Variants in GMNN observed in about 807,000 individuals in gnomAD.
GMNN encodes the protein geminin DNA replication inhibitor.
A neutral mutation model predicts 20.9 loss-of-function variants in GMNN; 14 were observed. That is an observed-to-expected ratio of 0.67 (90% confidence interval 0.44 to 1.05). The LOEUF is 1.05. Ranked by LOEUF, GMNN falls within the 50% of genes least tolerant of loss-of-function variation. The pLI is 0.00. For missense variants in GMNN, 227 were observed against 243.8 expected, an observed-to-expected ratio of 0.93 and a Z score of 0.46; for synonymous variants, 81 against 85.8, an observed-to-expected ratio of 0.94 and a Z score of 0.31.
In GMNN at chr6:24,775,258, G is replaced by C. The variant is rs576489658; in HGVS notation, c.-26+14G>C. ...GCCGCGGCCTGGGTAAGGGCGAAGG[G>C]GTTGTTGAACGGTCGCGGGAGCCGG... On this transcript the variant is annotated intron_variant, in intron 1 of 6. Coordinates refer to ENST00000230056, the MANE Select transcript of GMNN (RefSeq NM_015895.5). 1.3e-5 allele frequency: 2 copies of C among 152,390 alleles called. No homozygotes were observed. The highest frequency in any genetic ancestry group is 4.8e-5 in the African/African-American group (2 of 41,462). The allele number at this position is 152,390 out of a possible 1,614,324, so 9.4% of individuals were successfully genotyped here.
At chr6:24,776,600 G>GGGTA in intron 1 of GMNN, among the ~76,000 whole-genome samples, 1 of 152,224 alleles carries the variant, frequency 6.6e-6, no homozygotes, top group Non-Finnish European at 1.5e-5. Flanking sequence ...AGGGGCCAAT[G>GGGTA]GGTAGTGGGC....
At chr6:24,776,579 G>A (rs1341596262) in intron 1 of GMNN, among the ~76,000 whole-genome samples, 2 of 152,236 alleles carry the variant, frequency 1.3e-5, no homozygotes, top group Non-Finnish European at 1.5e-5. Flanking sequence ...AGGCACAGGC[G>A]CAGACACGGC....
At position 24,775,028 on chromosome 6, in the gene GMNN, T is replaced by A. The variant is rs1303239901; in HGVS notation, c.-242T>A. On this transcript the variant is annotated 5_prime_UTR_variant, in exon 1 of 7. Coordinates refer to ENST00000230056, the MANE Select transcript of GMNN (RefSeq NM_015895.5). ...CCGGGCACTCCAGCGACCGTGGGGA[T>A]CAGCGTAGGTGAGCTGTGGCCTTTT... is the stretch of plus-strand genomic sequence containing the variant. The A allele has an allele frequency of 1.3e-5, 2 of 152,422 alleles. No individual in the cohort carries two copies. Among genetic ancestry groups the A allele is most frequent in the Admixed American group, 1.3e-4 (2 of 15,290 alleles). 9.4% of individuals were successfully genotyped at this position (152,422 alleles called of 1,614,324 possible).
At chr6:24,785,051 A>T (rs1780313987) in intron 6 of GMNN, among the ~76,000 whole-genome samples, 1 of 152,110 alleles carries the variant, frequency 6.6e-6, no homozygotes, top group Non-Finnish European at 1.5e-5. Context: ...TTGTGGTTTT[A>T]TCTGACTTTA....
intron 2 of GMNN, among the ~76,000 whole-genome samples, chr6:24,778,584 G>T (rs541604187): frequency 8.6e-5 from 13 of 151,966 alleles, no homozygotes; most frequent in African/African-American, 1.2e-4. Flanking sequence ...CTTTTGATGG[G>T]TTTTTTGTTT....
rs181643512 is a variant in GMNN at position 24,781,956 on chromosome 6, C to T, written c.274+335C>T. 1.4e-3 allele frequency among the ~76,000 whole-genome samples: 215 copies of T among 152,226 alleles called. 1 individual carries two copies. The highest frequency in any genetic ancestry group is 4.6e-3 in the African/African-American group (190 of 41,536). ...ATTAGCTGAGCATGGTGGCTTGTGC[C>T]TGTATTCCCAGCTACTCAGGAGGCT... is the stretch of plus-strand genomic sequence containing the variant. On this transcript the variant is annotated intron_variant, in intron 4 of 6. Transcript: ENST00000230056.
chr6:24,782,726 A>G lies in GMNN; in HGVS notation c.274+1105A>G, dbSNP rs188818675. Among the ~76,000 whole-genome samples the G allele has an allele frequency of 2.0e-3, 308 of 152,360 alleles. 3 individuals are homozygous for G. The highest frequency in any genetic ancestry group is 7.0e-3 in the African/African-American group (291 of 41,594). ...GTTAAATATCAAGACAAATAACTATATATCATGTTGGTAATATAACCACAG... is the reference window on the plus strand; with the variant it reads ...GTTAAATATCAAGACAAATAACTATGTATCATGTTGGTAATATAACCACAG... On this transcript the variant is annotated intron_variant, in intron 4 of 6. Transcript: ENST00000230056.
chr6:24,777,083 C>T, intron 1 of GMNN, 139 bp from the exon 2 acceptor site: 1 of 409,410 alleles, frequency 2.4e-6, no homozygotes, highest in Non-Finnish European at 4.4e-6. Context: ...TCACCTTAGT[C>T]ATTGACAGGG....
rs1780094781 is a variant in GMNN, at chr6:24,777,182, A to G, written c.-25-40A>G. On this transcript the variant is annotated intron_variant, in intron 1 of 6. Transcript: ENST00000230056. ...TGTAAGTATTTTAAACCTAGACTCC[A>G]CCTTCGGGGGTGCAAACCATATTGT... 24 of 652,802 alleles carry G rather than the reference A, an allele frequency of 3.7e-5. No homozygotes were observed. In the East Asian group the frequency reaches 6.9e-4, roughly 19 times the overall value. The allele number at this position is 652,802 out of a possible 1,614,324, so 40.4% of individuals were successfully genotyped here.
chr6:24,777,291 T>C lies in GMNN; in HGVS notation c.45T>C (p.Asn15=). ...AGAAACAAGAAGAAATCAAAGAGAA[T>C]ATAAAGGTATGTGATTGAATAACTT... The part of the protein sequence containing the change: ...MKQKQEEIKE[N]IKNSSVPRRT... The change falls in exon 2 of 7, where the codon AAT becomes AAC. Residue 15 remains asparagine, a synonymous_variant. Transcript: ENST00000230056. 1.6e-6 allele frequency: 2 copies of C among 1,267,522 alleles called. No homozygotes were observed. Among genetic ancestry groups the C allele is most frequent in the South Asian group, 2.7e-5 (2 of 73,280 alleles). The allele number at this position is 1,267,522 out of a possible 1,614,324, so 78.5% of individuals were successfully genotyped here. A position where few individuals can be genotyped will look rare whatever the true frequency, so the allele number is the denominator to read the frequency against.
chr6:24,777,443 A>T (rs1477511175), intron 2 of GMNN, 146 bp downstream of exon 2: 1 of 418,020 alleles, frequency 2.4e-6, no homozygotes, highest in Non-Finnish European at 4.3e-6. Flanking sequence ...GAACATTTTT[A>T]AAAAACTAAT....
chr6:24,785,547 T>C, intron 6 of GMNN, 91 bp from the exon 7 acceptor site: 1 of 574,308 alleles, frequency 1.7e-6, no homozygotes, highest in Non-Finnish European at 3.0e-6. Flanking sequence ...CATAGCTATA[T>C]CAGTATGCTA....
Position 24,781,516 on chromosome 6 carries a change from C to T in GMNN, c.169C>T (p.His57Tyr). 2 of 1,593,698 alleles carry T rather than the reference C, an allele frequency of 1.3e-6. No individual in the cohort carries two copies. Among genetic ancestry groups the T allele is most frequent in the South Asian group, 1.1e-5 (1 of 89,562 alleles). ...GLSKRKHRND[H>Y]LTSTTSSPGV... is the part of the protein sequence containing the mutation. ...GTCCAAAAGGAAACATCGGAATGAC[C>T]ACTTAACATCTACAACTTCCAGCCC... is the stretch of plus-strand genomic sequence containing the variant. Residue 57 changes from histidine to tyrosine, a missense_variant, in exon 4 of 7, where the codon CAC becomes TAC. By Grantham distance (83) the His-to-Tyr change is moderately conservative (BLOSUM62 2). Coordinates refer to ENST00000230056, the MANE Select transcript of GMNN (RefSeq NM_015895.5).
chr6:24,777,201 A>G (rs371716245), intron 1 of GMNN, 21 bp from the exon 2 acceptor site: 51 of 862,188 alleles, frequency 5.9e-5, no homozygotes, highest in Non-Finnish European at 9.1e-5. Context: ...GGTGCAAACC[A>G]TATTGTTTTT....
At chr6:24,784,383 T>C in intron 5 of GMNN, 61 bp from the exon 6 acceptor site, 1 of 801,002 alleles carries the variant, frequency 1.2e-6, no homozygotes, top group Non-Finnish European at 2.2e-6. Context: ...CTTGGAGGTA[T>C]GTAATTTGAT....
intron 4 of GMNN, 108 bp downstream of exon 4, chr6:24,781,729 A>G (rs1303519902): frequency 1.0e-5 from 5 of 497,632 alleles, no homozygotes; most frequent in African/African-American, 9.9e-5. Context: ...GGGATAGTAT[A>G]ACAGCACTAT....
At chr6:24,783,534 A>G (rs1780272440) in intron 4 of GMNN, among the ~76,000 whole-genome samples, 1 of 152,164 alleles carries the variant, frequency 6.6e-6, no homozygotes, top group Non-Finnish European at 1.5e-5. Context: ...GTTAATTACT[A>G]AGGGAAAAAG....
chr6:24,785,070 T>G (rs1319799038), intron 6 of GMNN, among the ~76,000 whole-genome samples: 1 of 152,138 alleles, frequency 6.6e-6, no homozygotes, highest in Non-Finnish European at 1.5e-5. Flanking sequence ...TAAAACATTT[T>G]GTAAGTAGCT....
At chr6:24,776,616 G>C (rs1223832479) in intron 1 of GMNN, among the ~76,000 whole-genome samples, 1 of 152,234 alleles carries the variant, frequency 6.6e-6, no homozygotes. Flanking sequence ...TGGGCAGTGG[G>C]CAGTGGGCAG....
Sources: allele counts gnomAD v4.1 joint callset (sites outside exome capture counted in the v4.1 genomes callset), GRCh38; gene constraint gnomAD v4.1.1; transcripts MANE v1.5; gene names NCBI Gene and HGNC (gene_info 2026-07-23, HGNC 2026-07-21).